DTHD1: variants seen among roughly 807,000 people sequenced by gnomAD.
The protein encoded by DTHD1 is death domain-containing protein 1.
DTHD1 carries 59 observed loss-of-function variants against 74.8 expected under a neutral mutation model. The ratio of observed to expected loss-of-function variants is 0.79; its 90% CI spans 0.64 to 0.98. The LOEUF is 0.98. DTHD1 is among the 50% of genes least tolerant of loss of function. The pLI, the probability that DTHD1 is intolerant of heterozygous loss-of-function variation, is 0.00. For missense variants in DTHD1, 1,051 were observed against 1,065.4 expected, an observed-to-expected ratio of 0.99 and a Z score of 0.19; for synonymous variants, 365 against 371.1, an observed-to-expected ratio of 0.98 and a Z score of 0.19.
intron 7 of DTHD1, among the ~76,000 whole-genome samples, chr4:36,312,176 A>G (rs770638262): frequency 2.0e-4 from 30 of 152,014 alleles, no homozygotes; most frequent in South Asian, 4.2e-4. Context: ...CAAAATCCAG[A>G]AAGTGCCAGG....
At chr4:36,283,924 A>T in intron 1 of DTHD1, 52 bp from the exon 2 acceptor site, 1 of 1,246,464 alleles carries the variant, frequency 8.0e-7, no homozygotes. Flanking sequence ...CAGAAACATA[A>T]TTTGGTTTAG....
chr4:36,318,425 AAC>A (rs775341616), intron 8 of DTHD1, among the ~76,000 whole-genome samples: 1 of 152,188 alleles, frequency 6.6e-6, no homozygotes, highest in Non-Finnish European at 1.5e-5. Flanking sequence ...AGTACAGAGG[AAC>A]AGTCTCCTGG....
intron 1 of DTHD1, among the ~76,000 whole-genome samples, chr4:36,282,242 T>A (rs993034335): frequency 2.0e-5 from 3 of 152,166 alleles, no homozygotes; most frequent in Non-Finnish European, 4.4e-5. Flanking sequence ...TGAAGTGCTT[T>A]TGGACTTCAG....
intron 8 of DTHD1, among the ~76,000 whole-genome samples, chr4:36,338,527 G>T (rs1235109478): frequency 6.6e-6 from 1 of 151,408 alleles, no homozygotes; most frequent in East Asian, 1.9e-4. Flanking sequence ...ACTGGCTAGG[G>T]ATCTGAACCC....
Position 36,290,686 on chromosome 4 carries a change from A to G in DTHD1, c.1201A>G (p.Met401Val). The change falls in exon 3 of 10, where the codon ATG (methionine) becomes GTG (valine). Residue 401 changes from methionine to valine, a missense_variant. Transcript: ENST00000639862. ...CCTAAACCCAAATTCACTAGAAGGA[A>G]TGAAGGGAGGTTATAAGGTTAGTAA... ...SYLNPNSLEG[M>V]KGGYKGTCAS... 6.5e-7 allele frequency: 1 copy of G among 1,541,018 alleles called. No homozygotes were observed. Among genetic ancestry groups the G allele is most frequent in the Non-Finnish European group, 8.7e-7 (1 of 1,146,408 alleles).
chr4:36,332,097 A>G (rs1193787237), intron 8 of DTHD1, among the ~76,000 whole-genome samples: 1 of 152,094 alleles, frequency 6.6e-6, no homozygotes, highest in Non-Finnish European at 1.5e-5. Context: ...AGGCAGGAGA[A>G]TCACTTGAAC....
At chr4:36,285,414 A>G (rs1277413435) in intron 2 of DTHD1, among the ~76,000 whole-genome samples, 3 of 152,110 alleles carry the variant, frequency 2.0e-5, no homozygotes, top group African/African-American at 7.2e-5. Flanking sequence ...GAGCTTTGGG[A>G]GGTACTTAAA....
In DTHD1 at chr4:36,343,831, G is replaced by C; in HGVS notation, c.*7G>C. On this transcript the variant is annotated 3_prime_UTR_variant, in exon 10 of 10. Transcript: ENST00000639862. ...TGATGTAGCCCCTGAGTAAAAGCCT[G>C]ATCTCTCTTCCTTTACCCCTAGGAA... 1 of 1,537,142 alleles carries C rather than the reference G, an allele frequency of 6.5e-7. No homozygotes were observed. Among genetic ancestry groups the C allele is most frequent in the Non-Finnish European group, 8.8e-7 (1 of 1,138,806 alleles).
At chr4:36,325,992 G>C (rs1311821060) in intron 8 of DTHD1, among the ~76,000 whole-genome samples, 1 of 152,090 alleles carries the variant, frequency 6.6e-6, no homozygotes, top group Non-Finnish European at 1.5e-5. Flanking sequence ...TTGATTAAAA[G>C]TCCAAGCCAG....
chr4:36,326,484 G>T (rs758320989), intron 8 of DTHD1, among the ~76,000 whole-genome samples: 2 of 150,780 alleles, frequency 1.3e-5, no homozygotes, highest in African/African-American at 4.9e-5. Flanking sequence ...TTTTCCCCAA[G>T]GGGAAATGGC....
intron 9 of DTHD1, among the ~76,000 whole-genome samples, chr4:36,341,928 T>G (rs1169385086): frequency 6.6e-6 from 1 of 152,162 alleles, no homozygotes; most frequent in African/African-American, 2.4e-5. Context: ...CCATGGAATA[T>G]GTTTAGGAGG....
intron 8 of DTHD1, among the ~76,000 whole-genome samples, chr4:36,333,036 C>T (rs1758789054): frequency 6.6e-6 from 1 of 152,092 alleles, no homozygotes; most frequent in Non-Finnish European, 1.5e-5. Context: ...TGAGATATGA[C>T]TTGACAGAAT....
chr4:36,308,595 T>C (rs1757199069), intron 7 of DTHD1, 102 bp downstream of exon 7: 14 of 935,960 alleles, frequency 1.5e-5, no homozygotes, highest in South Asian at 1.9e-5. Flanking sequence ...CTTCAGAGGA[T>C]TGACGAGAGA....
intron 6 of DTHD1, among the ~76,000 whole-genome samples, chr4:36,306,782 G>A (rs1207038381): frequency 6.6e-6 from 1 of 152,136 alleles, no homozygotes; most frequent in African/African-American, 2.4e-5. Flanking sequence ...ACAGATTTAA[G>A]GTTCATGAAG....
intron 9 of DTHD1, 42 bp downstream of exon 9, chr4:36,339,211 C>T (rs1759179403): frequency 1.5e-6 from 2 of 1,371,984 alleles, no homozygotes; most frequent in Admixed American, 2.0e-5. Flanking sequence ...TGCTTCCCCA[C>T]CCCCTTATAT....
chr4:36,324,872 G>A (rs1272637505), intron 8 of DTHD1, among the ~76,000 whole-genome samples: 1 of 152,160 alleles, frequency 6.6e-6, no homozygotes, highest in Admixed American at 6.5e-5. Context: ...TCAGAGAAGG[G>A]GGTGAACGCT....
rs775461053 is a variant in DTHD1 at position 36,295,053 on chromosome 4, T to G, written c.1643+14T>G. 5.3e-6 allele frequency: 8 copies of G among 1,516,912 alleles called. No homozygotes were observed. The African/African-American group carries it at 1.1e-4, about 21-fold the overall frequency. The allele number at this position is 1,516,912 out of a possible 1,614,324, so 94.0% of individuals were successfully genotyped here. The stretch of plus-strand genomic sequence containing the variant: ...GTATTTCAACCGGTGAGTAAGTTTC[T>G]AATATTGTAAACTGGCTTAATGTCA... On this transcript the variant is annotated intron_variant, in intron 5 of 9. Coordinates refer to ENST00000639862, the MANE Select transcript of DTHD1 (RefSeq NM_001170700.3).
intron 8 of DTHD1, among the ~76,000 whole-genome samples, chr4:36,335,933 A>G (rs983557919): frequency 2.0e-5 from 3 of 152,234 alleles, no homozygotes; most frequent in Non-Finnish European, 2.9e-5. Flanking sequence ...AGACACTCGT[A>G]CCTCTTTCTG....
At chr4:36,315,396 C>T (rs908849723) in intron 7 of DTHD1, among the ~76,000 whole-genome samples, 1 of 152,180 alleles carries the variant, frequency 6.6e-6, no homozygotes, top group Non-Finnish European at 1.5e-5. Context: ...TGTCCAATTC[C>T]ACACTTGTGG....
Sources: gnomAD v4.1 joint callset for allele counts (sites outside exome capture counted in the v4.1 genomes callset) on GRCh38, gnomAD v4.1.1 for gene constraint, MANE v1.5 for transcripts, NCBI Gene and HGNC (gene_info 2026-07-23, HGNC 2026-07-21) for gene names.